Variants in IMPDH1 observed in about 807,000 individuals in gnomAD.
IMPDH1 encodes the protein inosine monophosphate dehydrogenase 1.
IMPDH1 carries 41 observed loss-of-function variants against 73.5 expected under a neutral mutation model. The ratio of observed to expected loss-of-function variants is 0.56; its 90% CI spans 0.43 to 0.72. IMPDH1 has a LOEUF of 0.72. IMPDH1 is among the 30% of genes least tolerant of loss of function. The pLI, the probability that IMPDH1 is intolerant of heterozygous loss-of-function variation, is 0.00. For missense variants in IMPDH1, 645 were observed against 824.8 expected, an observed-to-expected ratio of 0.78 and a Z score of 2.67; for synonymous variants, 318 against 334.3, an observed-to-expected ratio of 0.95 and a Z score of 0.53.
chr7:128,393,113 T>C (rs1797647787), intron 16 of IMPDH1, 85 bp from the exon 17 acceptor site: 3 of 1,438,392 alleles, frequency 2.1e-6, no homozygotes, highest in East Asian at 4.5e-5. Context: ...GGCCCCCAGA[T>C]GTAGGAGAGA....
intron 16 of IMPDH1, among the ~76,000 whole-genome samples, chr7:128,393,482 ATC>A (rs3838694): frequency 0.14 from 21,515 of 152,222 alleles, 1,642 homozygotes; most frequent in South Asian, 0.22. Flanking sequence ...GGTCACGGGC[ATC>A]TCTCTGCAGC....
At chr7:128,405,697 C>T in intron 4 of IMPDH1, 70 bp downstream of exon 4, 1 of 1,487,840 alleles carries the variant, frequency 6.7e-7, no homozygotes, top group Non-Finnish European at 8.9e-7. Flanking sequence ...GAGCCGCGCA[C>T]GTGCAGGGCC....
intron 3 of IMPDH1, among the ~76,000 whole-genome samples, chr7:128,409,061 A>C (rs1334239418): frequency 1.3e-5 from 2 of 152,212 alleles, no homozygotes; most frequent in East Asian, 3.8e-4. Flanking sequence ...GACCGGAAGG[A>C]CAGTGGGATT....
At chr7:128,406,803 TTTG>T (rs1798809620) in intron 3 of IMPDH1, among the ~76,000 whole-genome samples, 1 of 151,882 alleles carries the variant, frequency 6.6e-6, no homozygotes, top group Non-Finnish European at 1.5e-5. Context: ...CAGAGAGCGG[TTTG>T]TTATTTGGGA....
chr7:128,405,222 C>T (rs1444186440), intron 4 of IMPDH1, among the ~76,000 whole-genome samples: 1 of 152,200 alleles, frequency 6.6e-6, no homozygotes, highest in East Asian at 1.9e-4. Flanking sequence ...TTAGGGGTAG[C>T]AGTCACAGAA....
At chr7:128,397,841 G>A (rs372761432) in intron 10 of IMPDH1, among the ~76,000 whole-genome samples, 2 of 151,996 alleles carry the variant, frequency 1.3e-5, no homozygotes, top group African/African-American at 2.4e-5. Flanking sequence ...CCCACATATC[G>A]AAAACTGTGT....
chr7:128,409,756 C>T lies in IMPDH1; in HGVS notation c.146G>A (p.Ser49Asn), dbSNP rs1241163303. The change falls in exon 1 of 17, where the codon AGC (serine) becomes AAC (asparagine). Residue 49 changes from serine (S) to asparagine (N), a missense_variant and splice_region_variant. Transcript: ENST00000338791. ...CCGCGCGCTCTGCCCTGGGCGTCAC[C>T]TCTCGGGCTCGTAGCCGGCCTGCAG... Reference protein sequence around the residue: ...RLLQAGYEPESPRLDLATHPT... With the variant: ...RLLQAGYEPENPRLDLATHPT... The T allele has an allele frequency of 6.6e-7, 1 of 1,523,330 alleles. No homozygotes were observed. The highest frequency in any genetic ancestry group is 8.8e-7 in the Non-Finnish European group (1 of 1,141,574). 94.4% of individuals were successfully genotyped at this position (1,523,330 alleles called of 1,614,324 possible). A position where few individuals can be genotyped will look rare whatever the true frequency, so the allele number is the denominator to read the frequency against.
chr7:128,393,099 C>T (rs1194756688), intron 16 of IMPDH1, 71 bp from the exon 17 acceptor site: 17 of 1,514,766 alleles, frequency 1.1e-5, no homozygotes, highest in Non-Finnish European at 1.4e-5. Context: ...AACCCTTTCC[C>T]CAGGGCCCCC....
Position 128,409,746 on chromosome 7 carries a change from T to C in IMPDH1, c.146+10A>G, listed in dbSNP as rs923422030. On this transcript the variant is annotated intron_variant, in intron 1 of 16. Transcript: ENST00000338791. ...CGGATGCGCCCCGCGCGCTCTGCCCTGGGCGTCACCTCTCGGGCTCGTAGC... is the reference window on the plus strand; with the variant it reads ...CGGATGCGCCCCGCGCGCTCTGCCCCGGGCGTCACCTCTCGGGCTCGTAGC... The C allele has an allele frequency of 2.3e-5, 35 of 1,525,498 alleles. No individual in the cohort carries two copies. The highest frequency in any genetic ancestry group is 2.8e-5 in the African/African-American group (2 of 72,020). The allele number at this position is 1,525,498 out of a possible 1,614,324, so 94.5% of individuals were successfully genotyped here. A position where few individuals can be genotyped will look rare whatever the true frequency, so the allele number is the denominator to read the frequency against.
intron 1 of IMPDH1, 64 bp from the exon 2 acceptor site, chr7:128,409,548 C>A (rs548958818): frequency 1.3e-6 from 2 of 1,586,922 alleles, no homozygotes; most frequent in South Asian, 1.1e-5. Flanking sequence ...TGCAACGAAG[C>A]ACCTAACCCT....
rs1028084197 is a variant in IMPDH1 at position 128,398,335 on chromosome 7, G to A, written c.1074+79C>T. The A allele has an allele frequency of 1.7e-6, 2 of 1,155,830 alleles. No individual in the cohort carries two copies. The highest frequency in any genetic ancestry group is 2.6e-6 in the Non-Finnish European group (2 of 771,000). The allele number at this position is 1,155,830 out of a possible 1,614,324, so 71.6% of individuals were successfully genotyped here. On this transcript the variant is annotated intron_variant, in intron 10 of 16. Coordinates refer to ENST00000338791, the MANE Select transcript of IMPDH1 (RefSeq NM_000883.4). This position sits in a 1 kb window ranked among gnomAD's most constrained non-coding sequence, Gnocchi z 4.3. ...AGGGAGGGGCACAGGCTTAATCAGA[G>A]GTGAACCTGGGTCCTCATAAACCTC...
chr7:128,403,577 G>T, intron 5 of IMPDH1, 129 bp downstream of exon 5: 1 of 689,972 alleles, frequency 1.4e-6, no homozygotes, highest in Non-Finnish European at 2.5e-6. Context: ...AAAAAAAAAG[G>T]ACTATATCCT....
chr7:128,400,736 G>T, intron 7 of IMPDH1, 81 bp downstream of exon 7: 3 of 1,297,596 alleles, frequency 2.3e-6, no homozygotes, highest in Non-Finnish European at 3.4e-6. Context: ...TAGCAGTGCA[G>T]GGCTGGCAGG....
At chr7:128,401,845 T>C in intron 5 of IMPDH1, among the ~76,000 whole-genome samples, 1 of 152,048 alleles carries the variant, frequency 6.6e-6, no homozygotes, top group East Asian at 1.9e-4. Flanking sequence ...CACCTGCCCA[T>C]GGAGGAAAGG....
chr7:128,393,013 C>T lies in IMPDH1; in HGVS notation c.1794G>A (p.Leu598=). The T allele has an allele frequency of 6.2e-7, 1 of 1,613,908 alleles. No homozygotes were observed. Among genetic ancestry groups the T allele is most frequent in the African/African-American group, 1.3e-5 (1 of 75,032 alleles). ...TCGGCCTCCACCGCTGTCCTCAGTA[C>T]AGCCGCTTTTCGTAACTGTGGGGAC... ...VHGLHSYEKR[L]Y The change falls in exon 17 of 17, where the codon CTG becomes CTA. Residue 598 remains leucine, a synonymous_variant. Transcript: ENST00000338791.
At chr7:128,400,581 A>G (rs764648408) in intron 7 of IMPDH1, 42 bp from the exon 8 acceptor site, 26 of 1,563,924 alleles carry the variant, frequency 1.7e-5, no homozygotes, top group Non-Finnish European at 2.2e-5. Context: ...GAAGAAAGCC[A>G]GGGATGATGT....
At chr7:128,395,486 C>T (rs575153523) in intron 12 of IMPDH1, among the ~76,000 whole-genome samples, 78 of 152,328 alleles carry the variant, frequency 5.1e-4, no homozygotes, top group African/African-American at 1.8e-3. Context: ...CCCCTAAGAG[C>T]ATGACAGGGG....
At position 128,394,783 on chromosome 7, in the gene IMPDH1, G is replaced by A. The variant is rs1584714606; in HGVS notation, c.1550+106C>T. The A allele has an allele frequency of 6.7e-7, 1 of 1,490,376 alleles. No homozygotes were observed. The highest frequency in any genetic ancestry group is 9.3e-7 in the Non-Finnish European group (1 of 1,078,696). The allele number at this position is 1,490,376 out of a possible 1,614,324, so 92.3% of individuals were successfully genotyped here. On this transcript the variant is annotated intron_variant, in intron 14 of 16. Transcript: ENST00000338791. This position sits in a 1 kb window ranked among gnomAD's most constrained non-coding sequence, Gnocchi z 5.5. Reference sequence around the variant, plus strand: ...CTTAAGCCCTGTGCCTCAGTTTCCAGAACCACCATATGGGGACTGGCTGCC... The same window carrying A: ...CTTAAGCCCTGTGCCTCAGTTTCCAAAACCACCATATGGGGACTGGCTGCC...
chr7:128,399,762 G>GT (rs1798184853), intron 9 of IMPDH1, among the ~76,000 whole-genome samples: 4 of 152,174 alleles, frequency 2.6e-5, no homozygotes, highest in Non-Finnish European at 5.9e-5. Context: ...AAATTTAACT[G>GT]CAGGACTTCT....
Sources: allele counts gnomAD v4.1 joint callset (sites outside exome capture counted in the v4.1 genomes callset), GRCh38; gene constraint gnomAD v4.1.1; non-coding constraint Gnocchi (gnomAD v3.1); transcripts MANE v1.5; gene names NCBI Gene and HGNC (gene_info 2026-07-23, HGNC 2026-07-21).